Variants in KCNH7 observed in about 807,000 individuals in gnomAD.
The protein encoded by KCNH7 is potassium voltage-gated channel subfamily H member 7, also known as voltage-gated inwardly rectifying potassium channel KCNH7.
KCNH7 carries 49 observed loss-of-function variants against 120.8 expected under a neutral mutation model. The observed-to-expected ratio is 0.41, with a 90% confidence interval of 0.32 to 0.51. The LOEUF is 0.51. KCNH7 is among the 20% of genes least tolerant of loss of function. KCNH7 has a pLI of 0.38. For synonymous variants in KCNH7, 547 were observed against 516.1 expected, an observed-to-expected ratio of 1.06 and a Z score of -0.81; for missense variants, 1,097 against 1,446.6, an observed-to-expected ratio of 0.76 and a Z score of 3.92.
At chr2:162,616,151 G>C (rs1683133686) in intron 2 of KCNH7, among the ~76,000 whole-genome samples, 1 of 152,092 alleles carries the variant, frequency 6.6e-6, no homozygotes, top group Non-Finnish European at 1.5e-5. Context: ...TTTCTCATTA[G>C]TCTGATCTCC....
rs542958404 is a variant in KCNH7, at chr2:162,621,723, C to T, written c.308-84643G>A. Among the ~76,000 whole-genome samples, 5 of 152,152 alleles carry T rather than the reference C, an allele frequency of 3.3e-5. No homozygotes were observed. The South Asian group carries it at 1.0e-3, about 32-fold the overall frequency. ...AGTGTTATTGGCTGGTTATATTTCTCCAGAGGCTGAACTTTTTATATAACA... is the reference window on the plus strand; with the variant it reads ...AGTGTTATTGGCTGGTTATATTTCTTCAGAGGCTGAACTTTTTATATAACA... On this transcript the variant is annotated intron_variant, in intron 2 of 15. Coordinates refer to ENST00000332142, the MANE Select transcript of KCNH7 (RefSeq NM_033272.4).
chr2:162,602,045 G>A (rs146084230), intron 2 of KCNH7, among the ~76,000 whole-genome samples: 101 of 152,188 alleles, frequency 6.6e-4, no homozygotes, highest in Middle Eastern at 3.4e-3. Flanking sequence ...TGCAGAGGAG[G>A]GGGGTGGAGT....
chr2:162,516,020 T>G (rs1046320550), intron 4 of KCNH7, among the ~76,000 whole-genome samples: 2 of 151,794 alleles, frequency 1.3e-5, no homozygotes, highest in African/African-American at 4.8e-5. Context: ...CTCATTATTT[T>G]CTGATCTGCA....
intron 2 of KCNH7, among the ~76,000 whole-genome samples, chr2:162,611,348 G>C (rs1028054025): frequency 2.0e-5 from 3 of 152,156 alleles, no homozygotes; most frequent in African/African-American, 7.2e-5. Flanking sequence ...ATCTTATTCC[G>C]TGACATAAGT....
intron 2 of KCNH7, among the ~76,000 whole-genome samples, chr2:162,566,127 G>A (rs906901904): frequency 2.6e-5 from 4 of 151,830 alleles, no homozygotes; most frequent in Admixed American, 1.3e-4. Flanking sequence ...CTAAGAGGCC[G>A]CTGCCTTTTG....
At chr2:162,513,319 T>TCCC (rs1178379043) in intron 4 of KCNH7, among the ~76,000 whole-genome samples, 3 of 141,090 alleles carry the variant, frequency 2.1e-5, no homozygotes, top group Non-Finnish European at 3.1e-5. Flanking sequence ...CCTTCCTTCT[T>TCCC]TCCTTCCTTC....
intron 2 of KCNH7, among the ~76,000 whole-genome samples, chr2:162,618,453 G>A (rs969853135): frequency 1.8e-4 from 28 of 151,852 alleles, no homozygotes; most frequent in African/African-American, 5.8e-4. Flanking sequence ...ACACACATAC[G>A]TGCTTACATA....
intron 2 of KCNH7, among the ~76,000 whole-genome samples, chr2:162,826,489 C>T (rs1287631761): frequency 6.6e-6 from 1 of 152,046 alleles, no homozygotes; most frequent in Non-Finnish European, 1.5e-5. Context: ...TAATGAGTTA[C>T]AGGTTATTAA....
chr2:162,403,270 T>C (rs1410236132), intron 9 of KCNH7, among the ~76,000 whole-genome samples: 1 of 151,980 alleles, frequency 6.6e-6, no homozygotes, highest in Non-Finnish European at 1.5e-5. Flanking sequence ...CTAAGTTTTG[T>C]GTTCTATTGC....
intron 6 of KCNH7, among the ~76,000 whole-genome samples, chr2:162,447,740 C>T (rs199551255): frequency 1.3e-5 from 2 of 151,994 alleles, no homozygotes; most frequent in African/African-American, 4.8e-5. Flanking sequence ...AATTATGTCA[C>T]GTGTACTTGA....
intron 2 of KCNH7, among the ~76,000 whole-genome samples, chr2:162,579,420 T>C (rs907740156): frequency 1.3e-5 from 2 of 152,066 alleles, no homozygotes; most frequent in Non-Finnish European, 2.9e-5. Context: ...AGAGCCACTG[T>C]AATCACTTTT....
intron 11 of KCNH7, among the ~76,000 whole-genome samples, chr2:162,395,806 T>A (rs2105435923): frequency 6.6e-6 from 1 of 151,882 alleles, no homozygotes; most frequent in Admixed American, 6.6e-5. Context: ...TTTAAGCCTC[T>A]CATGGTACTT....
At chr2:162,778,841 C>A (rs1037149522) in intron 2 of KCNH7, among the ~76,000 whole-genome samples, 2 of 152,062 alleles carry the variant, frequency 1.3e-5, no homozygotes, top group African/African-American at 4.8e-5. Flanking sequence ...ATAGAACTGA[C>A]CTGTGTCTAC....
At chr2:162,706,599 T>A (rs762663276) in intron 2 of KCNH7, among the ~76,000 whole-genome samples, 4 of 152,032 alleles carry the variant, frequency 2.6e-5, no homozygotes, top group African/African-American at 9.7e-5. Context: ...TTTGACATAA[T>A]CAAAGATGTT....
intron 2 of KCNH7, among the ~76,000 whole-genome samples, chr2:162,770,522 C>A (rs1430048515): frequency 2.0e-5 from 3 of 151,852 alleles, no homozygotes; most frequent in African/African-American, 7.2e-5. Flanking sequence ...TTTGAGCATC[C>A]GTTTCATAAA....
rs2105571116 is a variant in KCNH7 at position 162,450,885 on chromosome 2, C to A, written c.1129-4442G>T. 4.0e-5 allele frequency among the ~76,000 whole-genome samples: 6 copies of A among 151,896 alleles called. No homozygotes were observed. The South Asian group carries it at 1.2e-3, about 32-fold the overall frequency. On this transcript the variant is annotated intron_variant, in intron 6 of 15. Coordinates refer to ENST00000332142, the MANE Select transcript of KCNH7 (RefSeq NM_033272.4). ...AAGTAATGGAAGCCTACACTAGGAA[C>A]CAGGTGGCAGAAATTGAGAGGAGGG... is the stretch of plus-strand genomic sequence containing the variant.
At chr2:162,595,959 T>C (rs1694365523) in intron 2 of KCNH7, among the ~76,000 whole-genome samples, 1 of 151,938 alleles carries the variant, frequency 6.6e-6, no homozygotes, top group Admixed American at 6.6e-5. Context: ...ACATTTATAA[T>C]AGCATAAAAA....
chr2:162,654,905 A>T (rs1684691540), intron 2 of KCNH7, among the ~76,000 whole-genome samples: 1 of 152,186 alleles, frequency 6.6e-6, no homozygotes, highest in Admixed American at 6.5e-5. Context: ...ACATGGTCTC[A>T]ATTATGTGTG....
At chr2:162,584,847 T>C (rs567714687) in intron 2 of KCNH7, among the ~76,000 whole-genome samples, 5 of 23,940 alleles carry the variant, frequency 2.1e-4, no homozygotes, top group Non-Finnish European at 3.0e-4. Flanking sequence ...CTCCTTTTAA[T>C]TTTTTTTTTT....
Sources: gnomAD v4.1 joint callset for allele counts (sites outside exome capture counted in the v4.1 genomes callset) on GRCh38, gnomAD v4.1.1 for gene constraint, MANE v1.5 for transcripts, NCBI Gene and HGNC (gene_info 2026-07-23, HGNC 2026-07-21) for gene names.